WWOX: variants seen among roughly 807,000 people sequenced by gnomAD.
The protein encoded by WWOX is WW domain-containing oxidoreductase.
WWOX carries 69 observed loss-of-function variants against 46.2 expected under a neutral mutation model. The observed-to-expected ratio is 1.49, with a 90% CI of 1.23 to 1.82. The LOEUF (loss-of-function observed/expected upper bound fraction) is 1.82, where lower values mean the gene tolerates loss of function less well. Ranked by LOEUF, WWOX falls within the 40% of genes most tolerant of loss-of-function variation. The probability of loss-of-function intolerance (pLI) is 0.00; values close to 1 mark genes in which losing one functional copy is unlikely to be tolerated. For synonymous variants in WWOX, 359 were observed against 202.6 expected, an observed-to-expected ratio of 1.77 and a Z score of -6.56; for missense variants, 919 against 542.6, an observed-to-expected ratio of 1.69 and a Z score of -6.89.
chr16:79,082,427 T>A (rs867154079), intron 8 of WWOX, among the ~76,000 whole-genome samples: 1 of 152,146 alleles, frequency 6.6e-6, no homozygotes, highest in Admixed American at 6.5e-5. Flanking sequence ...TGAGGTCACC[T>A]TCCCATGGCC....
At chr16:78,674,759 G>C (rs779991048) in intron 8 of WWOX, among the ~76,000 whole-genome samples, 2 of 151,710 alleles carry the variant, frequency 1.3e-5, no homozygotes, top group East Asian at 3.9e-4. Context: ...CTGAAAAGAG[G>C]AGTAATGGAA....
chr16:78,275,226 T>TTTTTTAAAGTTCGCATAAAG (rs1363869921), intron 5 of WWOX, among the ~76,000 whole-genome samples: 6 of 152,212 alleles, frequency 3.9e-5, no homozygotes, highest in Middle Eastern at 3.2e-3. Flanking sequence ...CACATCCTCT[T>TTTTTTAAAGTTCGCATAAAG]TTTTTAAAGT....
chr16:78,680,264 C>G (rs558907547), intron 8 of WWOX, among the ~76,000 whole-genome samples: 3 of 152,176 alleles, frequency 2.0e-5, no homozygotes, highest in African/African-American at 4.8e-5. Context: ...CAAAAATTAG[C>G]CAGGTGTGGT....
At chr16:78,969,587 A>G (rs930691134) in intron 8 of WWOX, among the ~76,000 whole-genome samples, 6 of 152,150 alleles carry the variant, frequency 3.9e-5, no homozygotes, top group Non-Finnish European at 8.8e-5. Context: ...TTTCAACTAG[A>G]ACAGTTCCTC....
chr16:78,426,572 C>G (rs1597218614), intron 7 of WWOX, among the ~76,000 whole-genome samples: 2 of 152,132 alleles, frequency 1.3e-5, no homozygotes, highest in African/African-American at 4.8e-5. Flanking sequence ...TATAGGGAGG[C>G]CTTCCTGAAA....
chr16:78,559,972 G>C (rs901654559), intron 8 of WWOX, among the ~76,000 whole-genome samples: 1 of 152,146 alleles, frequency 6.6e-6, no homozygotes, highest in African/African-American at 2.4e-5. Context: ...GTCTGAACTA[G>C]CCAAGGTCTC....
chr16:78,111,631 G>C (rs1363420556), intron 3 of WWOX, among the ~76,000 whole-genome samples: 1 of 152,144 alleles, frequency 6.6e-6, no homozygotes, highest in Non-Finnish European at 1.5e-5. Flanking sequence ...GTGGAAGGCT[G>C]GGTATTATCC....
At chr16:78,747,948 G>A (rs774233579) in intron 8 of WWOX, among the ~76,000 whole-genome samples, 6 of 152,184 alleles carry the variant, frequency 3.9e-5, no homozygotes, top group Admixed American at 1.3e-4. Context: ...TCCTGCAGCC[G>A]AAATAACCAT....
rs1047993260 is a variant in WWOX, at chr16:79,198,630, A to G, written c.1057-12978A>G. Among the ~76,000 whole-genome samples the G allele has an allele frequency of 4.6e-5, 7 of 152,342 alleles. No individual in the cohort carries two copies. In the East Asian group the frequency reaches 1.2e-3, roughly 25 times the overall value. On this transcript the variant is annotated intron_variant, in intron 8 of 8. Transcript: ENST00000566780. ...ATTTCTGTGGCTCAGGATGCTTAGT[A>G]GCAGTGGGGTCAAGGGCACAGATGA... is the stretch of plus-strand genomic sequence containing the variant.
intron 8 of WWOX, chr16:78,994,212 T>C (rs1280197391): frequency 6.7e-6 from 1 of 150,000 alleles, no homozygotes; most frequent in Admixed American, 6.6e-5. Flanking sequence ...TTGTTTTGTG[T>C]TCTCTGTGTG....
At chr16:78,337,231 G>C (rs1281257151) in intron 5 of WWOX, among the ~76,000 whole-genome samples, 1 of 152,090 alleles carries the variant, frequency 6.6e-6, no homozygotes, top group African/African-American at 2.4e-5. Flanking sequence ...ACCAAGAGTG[G>C]GTAGGAATCC....
At chr16:79,033,226 G>A (rs1398333073) in intron 8 of WWOX, among the ~76,000 whole-genome samples, 2 of 145,750 alleles carry the variant, frequency 1.4e-5, no homozygotes, top group Non-Finnish European at 3.0e-5. Flanking sequence ...ATTTGTTAGG[G>A]TAAAACAAAG....
chr16:78,752,337 G>C (rs1288765053), intron 8 of WWOX, among the ~76,000 whole-genome samples: 2 of 152,184 alleles, frequency 1.3e-5, no homozygotes, highest in Admixed American at 1.3e-4. Flanking sequence ...GCCCAGGCTA[G>C]AGTACAGTGA....
At chr16:79,137,387 G>GT (rs2050002843) in intron 8 of WWOX, among the ~76,000 whole-genome samples, 1 of 152,124 alleles carries the variant, frequency 6.6e-6, no homozygotes, top group Admixed American at 6.6e-5. Context: ...ATTAAATTCA[G>GT]TTTTTATCAC....
intron 5 of WWOX, among the ~76,000 whole-genome samples, chr16:78,345,526 C>T (rs1257184229): frequency 1.4e-5 from 1 of 72,762 alleles, no homozygotes. Flanking sequence ...CACCTGTAGT[C>T]CCATCTACTC....
chr16:79,177,077 C>G (rs1223958350), intron 8 of WWOX, among the ~76,000 whole-genome samples: 1 of 152,158 alleles, frequency 6.6e-6, no homozygotes, highest in Non-Finnish European at 1.5e-5. Flanking sequence ...AAAGTCCTTT[C>G]GAATATAAAA....
At chr16:78,169,402 T>A (rs895248022) in intron 5 of WWOX, among the ~76,000 whole-genome samples, 3 of 152,124 alleles carry the variant, frequency 2.0e-5, no homozygotes, top group Middle Eastern at 3.4e-3. Context: ...TCTATTGGAG[T>A]TGGGCTTCTG....
At chr16:78,733,674 G>A (rs191551267) in intron 8 of WWOX, among the ~76,000 whole-genome samples, 456 of 152,088 alleles carry the variant, frequency 3.0e-3, no homozygotes, top group African/African-American at 0.01. Context: ...AGAATGGTTT[G>A]AACTTGGGAG....
At chr16:78,155,453 G>C (rs2034566196) in intron 4 of WWOX, among the ~76,000 whole-genome samples, 1 of 152,148 alleles carries the variant, frequency 6.6e-6, no homozygotes, top group Non-Finnish European at 1.5e-5. Flanking sequence ...CATAGAACTT[G>C]AATGTTTGTG....
Sources: gnomAD v4.1 joint callset for allele counts (sites outside exome capture counted in the v4.1 genomes callset) on GRCh38, gnomAD v4.1.1 for gene constraint, MANE v1.5 for transcripts, NCBI Gene and HGNC (gene_info 2026-07-23, HGNC 2026-07-21) for gene names.